The following SMOC2 variants were observed in gnomAD, a reference collection of about 807,000 sequenced individuals.
The protein encoded by SMOC2 is SPARC related modular calcium binding 2.
A neutral mutation model predicts 61.4 loss-of-function variants in SMOC2; 39 were observed. That is an observed-to-expected ratio of 0.64 (90% confidence interval 0.49 to 0.83). The LOEUF (loss-of-function observed/expected upper bound fraction) is 0.83. Among genes scored for constraint, SMOC2 ranks in the 40% least tolerant of loss-of-function variants. The probability of loss-of-function intolerance (pLI) is 0.00; values close to 1 mark genes in which losing one functional copy is unlikely to be tolerated. For synonymous variants in SMOC2, 247 were observed against 239.9 expected (o/e 1.03, Z -0.27); for missense variants, 556 against 592.9 (o/e 0.94, Z 0.65).
intron 9 of SMOC2, among the ~76,000 whole-genome samples, chr6:168,638,541 G>A (rs7761686): frequency 0.84 from 127,669 of 152,196 alleles, 53,992 homozygotes; most frequent in Admixed American, 0.93. Context: ...TGCTTTCAGC[G>A]AGAGGGTGGG....
intron 1 of SMOC2, among the ~76,000 whole-genome samples, chr6:168,503,809 A>T (rs1782795990): frequency 6.6e-6 from 1 of 151,916 alleles, no homozygotes; most frequent in Non-Finnish European, 1.5e-5. Flanking sequence ...AGCATCTGTG[A>T]CTCAGTCTAG....
chr6:168,517,607 G>T (rs1783174413), intron 2 of SMOC2, among the ~76,000 whole-genome samples: 1 of 152,244 alleles, frequency 6.6e-6, no homozygotes, highest in African/African-American at 2.4e-5. Flanking sequence ...CACTCCAGAG[G>T]AACCAGGCCT....
At chr6:168,633,625 A>G (rs1786630216) in intron 9 of SMOC2, among the ~76,000 whole-genome samples, 1 of 152,232 alleles carries the variant, frequency 6.6e-6, no homozygotes, top group Non-Finnish European at 1.5e-5. Flanking sequence ...ATTGAGGCAG[A>G]AGAAGAAGTG....
intron 1 of SMOC2, among the ~76,000 whole-genome samples, chr6:168,502,731 TTTTATTTTAA>T (rs1241616518): frequency 9.4e-4 from 125 of 132,398 alleles, no homozygotes; most frequent in East Asian, 8.1e-3. Context: ...TACTTTTTTA[TTTTATTTTAA>T]TTTAATTTAA....
intron 2 of SMOC2, among the ~76,000 whole-genome samples, chr6:168,517,127 T>C (rs533239598): frequency 6.6e-6 from 1 of 152,332 alleles, no homozygotes; most frequent in South Asian, 2.1e-4. Context: ...ACAAGGCGTT[T>C]CGTGTCAGCG....
At position 168,618,699 on chromosome 6, in the gene SMOC2, G is replaced by T. The variant is rs139217425; in HGVS notation, c.907+10460G>T. 6.6e-5 allele frequency among the ~76,000 whole-genome samples: 10 copies of T among 152,208 alleles called. 1 individual carries two copies. In the East Asian group the frequency reaches 1.6e-3, roughly 24 times the overall value. ...ACGATGGAAGGGCTAGGAATGTCCCGCATGGGGTGAGCACAGATGCAGACA... is the reference window on the plus strand; with the variant it reads ...ACGATGGAAGGGCTAGGAATGTCCCTCATGGGGTGAGCACAGATGCAGACA... On this transcript the variant is annotated intron_variant, in intron 9 of 12. Coordinates refer to ENST00000356284, the MANE Select transcript of SMOC2 (RefSeq NM_001166412.2).
At chr6:168,653,455 G>C (rs140602435) in intron 11 of SMOC2, among the ~76,000 whole-genome samples, 1 of 152,264 alleles carries the variant, frequency 6.6e-6, no homozygotes, top group African/African-American at 2.4e-5. Context: ...CATGAACTGC[G>C]TGTTGGTTTG....
rs10440816 is a variant in SMOC2 at position 168,476,322 on chromosome 6, C to T, written c.85-33593C>T. ...AGTAGACGAGAAAGTGATGTCTAACCCTATTTGAAGAGAACATGGCAGTTT... is the reference window on the plus strand; with the variant it reads ...AGTAGACGAGAAAGTGATGTCTAACTCTATTTGAAGAGAACATGGCAGTTT... On this transcript the variant is annotated intron_variant, in intron 1 of 12. Transcript: ENST00000356284. 4.2e-3 allele frequency among the ~76,000 whole-genome samples: 632 copies of T among 152,048 alleles called. 9 individuals carry two copies. Among genetic ancestry groups the T allele is most frequent in the African/African-American group, 0.014 (593 of 41,484 alleles).
chr6:168,599,811 C>CCCCA lies in SMOC2; in HGVS notation c.824+808_824+809insCCAC, dbSNP rs1554247959. 7.0e-3 allele frequency among the ~76,000 whole-genome samples: 636 copies of CCCCA among 91,004 alleles called. 22 individuals carry two copies. Among genetic ancestry groups the CCCCA allele is most frequent in the Admixed American group, 0.045 (337 of 7,492 alleles). 59.7% of individuals were successfully genotyped at this position (91,004 alleles called of 152,430 possible). On this transcript the variant is annotated intron_variant, in intron 8 of 12. Transcript: ENST00000356284. ...ACATACCCACAGTCACACATTCACC[C>CCCCA]CACACACACACACACACGCCCCCCA... is the stretch of plus-strand genomic sequence containing the variant.
intron 1 of SMOC2, among the ~76,000 whole-genome samples, chr6:168,451,599 G>C (rs201886195): frequency 1.5e-4 from 22 of 145,622 alleles, no homozygotes; most frequent in East Asian, 2.1e-4. Flanking sequence ...CTCTGTCTCT[G>C]TCTCTCTCTC....
chr6:168,592,417 CACGA>C (rs1282109156), intron 7 of SMOC2, among the ~76,000 whole-genome samples: 8 of 121,036 alleles, frequency 6.6e-5, no homozygotes, highest in Admixed American at 9.1e-5. Context: ...CCTGAGGCCT[CACGA>C]GCATCTTTCT....
chr6:168,496,991 G>A (rs1402509204), intron 1 of SMOC2, among the ~76,000 whole-genome samples: 5 of 152,234 alleles, frequency 3.3e-5, no homozygotes, highest in African/African-American at 4.8e-5. Context: ...TGCGGCCCCC[G>A]GCAAGCATGG....
intron 8 of SMOC2, among the ~76,000 whole-genome samples, chr6:168,606,109 A>T (rs570008129): frequency 6.6e-6 from 1 of 152,126 alleles, no homozygotes; most frequent in African/African-American, 2.4e-5. Flanking sequence ...AGAGCTTCCT[A>T]ATCCCTCAGG....
intron 2 of SMOC2, among the ~76,000 whole-genome samples, chr6:168,524,189 G>T (rs1783403101): frequency 6.6e-6 from 1 of 152,110 alleles, no homozygotes; most frequent in African/African-American, 2.4e-5. Context: ...CTGTAGTAAA[G>T]ATCTTGAACC....
chr6:168,501,414 T>TG (rs1189656068), intron 1 of SMOC2, among the ~76,000 whole-genome samples: 2 of 152,022 alleles, frequency 1.3e-5, no homozygotes, highest in Non-Finnish European at 2.9e-5. Context: ...CGTCCCTTGC[T>TG]GCGGTGCCAG....
At chr6:168,546,549 C>T (rs1232563232) in intron 5 of SMOC2, among the ~76,000 whole-genome samples, 11 of 152,158 alleles carry the variant, frequency 7.2e-5, no homozygotes, top group Non-Finnish European at 1.5e-5. Context: ...TTCGCCCTGT[C>T]CCCTCCACCC....
chr6:168,598,309 G>A (rs1316922620), intron 7 of SMOC2, among the ~76,000 whole-genome samples: 1 of 152,222 alleles, frequency 6.6e-6, no homozygotes, highest in Admixed American at 6.5e-5. Context: ...GATGGACGAT[G>A]AACCGCATGT....
At chr6:168,526,005 G>T (rs937297225) in intron 2 of SMOC2, among the ~76,000 whole-genome samples, 1 of 152,204 alleles carries the variant, frequency 6.6e-6, no homozygotes, top group Non-Finnish European at 1.5e-5. Context: ...GGCAGCTGGC[G>T]TTTCCCCATT....
intron 2 of SMOC2, among the ~76,000 whole-genome samples, chr6:168,519,990 G>T (rs188960809): frequency 6.6e-6 from 1 of 151,568 alleles, no homozygotes; most frequent in East Asian, 1.9e-4. Flanking sequence ...GAATACTTAC[G>T]TAAAACGAAA....
Sources: allele counts gnomAD v4.1 joint callset (sites outside exome capture counted in the v4.1 genomes callset), GRCh38; gene constraint gnomAD v4.1.1; transcripts MANE v1.5; gene names NCBI Gene and HGNC (gene_info 2026-07-23, HGNC 2026-07-21).